The following SNTG2 variants were observed in gnomAD, a reference collection of about 807,000 sequenced individuals.
SNTG2 encodes the protein syntrophin gamma 2.
Under a neutral mutation model 70.9 loss-of-function variants are expected in SNTG2, and 74 were observed. That is an observed-to-expected ratio of 1.04 (90% CI 0.86 to 1.27). The LOEUF is 1.27. Among genes scored for constraint, SNTG2 ranks in the 50% most tolerant of loss-of-function variants. SNTG2 has a pLI of 0.00. For missense variants in SNTG2, 717 were observed against 690.7 expected (o/e 1.04, Z -0.43); for synonymous variants, 278 against 273.8 (o/e 1.02, Z -0.15).
rs373854662 is a variant in SNTG2 at position 1,267,494 on chromosome 2, G to A, written c.1207G>A (p.Val403Met). ...CCATGGGAAGAGCCATGTTTTCAAC[G>A]TGGAGCTTGGCAGCGAGCTGGCCAT... ...AGHGKSHVFN[V>M]ELGSELAMWE... The change falls in exon 14 of 17, where the codon GTG becomes ATG. Residue 403 changes from valine (V) to methionine (M), a missense_variant. By Grantham distance (21) the Val-to-Met change is conservative (BLOSUM62 1). Transcript: ENST00000308624. 18 of 1,613,942 alleles carry A rather than the reference G, an allele frequency of 1.1e-5. No homozygotes were observed. Among genetic ancestry groups the A allele is most frequent in the Non-Finnish European group, 1.5e-5 (18 of 1,179,890 alleles).
chr2:1,109,857 C>T (rs1666324493), intron 4 of SNTG2, among the ~76,000 whole-genome samples: 1 of 152,112 alleles, frequency 6.6e-6, no homozygotes, highest in African/African-American at 2.4e-5. Flanking sequence ...CAGAAAATTG[C>T]ACAGAAAGGA....
chr2:1,250,574 C>CTGTCTT (rs368515646), intron 12 of SNTG2, among the ~76,000 whole-genome samples: 26 of 150,950 alleles, frequency 1.7e-4, no homozygotes, highest in Admixed American at 7.2e-4. Flanking sequence ...CTTTCTCCAT[C>CTGTCTT]TGTCTTTGTC....
intron 16 of SNTG2, among the ~76,000 whole-genome samples, chr2:1,322,273 C>G (rs1681567639): frequency 6.6e-6 from 1 of 152,132 alleles, no homozygotes; most frequent in Admixed American, 6.5e-5. Context: ...GCAGCAGGGG[C>G]AAGTCAGAAT....
chr2:1,245,070 A>G (rs1192878469), intron 11 of SNTG2, among the ~76,000 whole-genome samples: 2 of 143,504 alleles, frequency 1.4e-5, no homozygotes, highest in Non-Finnish European at 3.0e-5. Flanking sequence ...GAATTGAACA[A>G]TGAGAACACA....
chr2:1,029,537 T>C (rs1660693959), intron 1 of SNTG2, among the ~76,000 whole-genome samples: 1 of 152,232 alleles, frequency 6.6e-6, no homozygotes, highest in Non-Finnish European at 1.5e-5. Flanking sequence ...ATTGTAGAAG[T>C]TTCCGCTAAT....
At chr2:1,109,456 A>G (rs1187043503) in intron 4 of SNTG2, among the ~76,000 whole-genome samples, 3 of 152,156 alleles carry the variant, frequency 2.0e-5, no homozygotes, top group Non-Finnish European at 4.4e-5. Flanking sequence ...TGTCATACGA[A>G]AATAACTTCC....
intron 13 of SNTG2, among the ~76,000 whole-genome samples, 184 bp from the exon 14 acceptor site, chr2:1,267,177 TTGTC>T (rs1415015759): frequency 6.6e-6 from 1 of 152,320 alleles, no homozygotes; most frequent in South Asian, 2.1e-4. Flanking sequence ...TTACAGATAT[TTGTC>T]TGTGGACCAC....
intron 1 of SNTG2, among the ~76,000 whole-genome samples, chr2:1,049,700 T>A (rs1230351168): frequency 2.6e-5 from 4 of 152,204 alleles, no homozygotes; most frequent in Non-Finnish European, 5.9e-5. Context: ...CTATGTTTAG[T>A]TTTGTGAGAG....
intron 12 of SNTG2, among the ~76,000 whole-genome samples, chr2:1,252,910 ATGTAT>A (rs1330545072): frequency 6.6e-6 from 1 of 152,228 alleles, no homozygotes. Flanking sequence ...AATATTTATA[ATGTAT>A]TAATATTTTT....
chr2:1,205,530 C>A (rs1673577699), intron 8 of SNTG2, among the ~76,000 whole-genome samples: 1 of 152,116 alleles, frequency 6.6e-6, no homozygotes, highest in Non-Finnish European at 1.5e-5. Flanking sequence ...TTGAAAACTT[C>A]TAAAATAACC....
intron 1 of SNTG2, among the ~76,000 whole-genome samples, chr2:980,943 C>T (rs1661078279): frequency 6.6e-6 from 1 of 152,102 alleles, no homozygotes; most frequent in African/African-American, 2.4e-5. Context: ...ATTACCTAGC[C>T]CTATTATTTT....
chr2:1,225,573 G>A (rs556992464), intron 9 of SNTG2, among the ~76,000 whole-genome samples: 1 of 152,244 alleles, frequency 6.6e-6, no homozygotes, highest in South Asian at 2.1e-4. Flanking sequence ...TGTAAAGTCC[G>A]TAGCTTACGG....
At position 1,210,035 on chromosome 2, in the gene SNTG2, C is replaced by T. The variant is rs149566540; in HGVS notation, c.719+805C>T. 3.9e-5 allele frequency among the ~76,000 whole-genome samples: 6 copies of T among 152,192 alleles called. No homozygotes were observed. The East Asian group carries it at 5.8e-4, about 15-fold the overall frequency. On this transcript the variant is annotated intron_variant, in intron 9 of 16. Transcript: ENST00000308624. The stretch of plus-strand genomic sequence containing the variant: ...GGCTATAGTATGTATGATGGGCAGA[C>T]AGTACAACCTGAAATTCCCTTTACT...
Position 966,862 on chromosome 2 carries a change from G to A in SNTG2, c.72+15794G>A, listed in dbSNP as rs191548488. ...CTCAGGAGGCTGAGGCAGGAGAATT[G>A]CTTGAACCTGGGAGGTGGGGGTTGC... On this transcript the variant is annotated intron_variant, in intron 1 of 16. Coordinates refer to ENST00000308624, the MANE Select transcript of SNTG2 (RefSeq NM_018968.4). Among the ~76,000 whole-genome samples the A allele has an allele frequency of 7.5e-3, 1,136 of 152,172 alleles. 18 individuals carry two copies. The highest frequency in any genetic ancestry group is 0.025 in the African/African-American group (1,045 of 41,520).
intron 1 of SNTG2, among the ~76,000 whole-genome samples, chr2:1,058,249 C>G (rs1433891238): frequency 6.6e-6 from 1 of 152,012 alleles, no homozygotes; most frequent in African/African-American, 2.4e-5. Context: ...TGTATGTCTT[C>G]TCAATGAGGG....
intron 1 of SNTG2, among the ~76,000 whole-genome samples, chr2:989,965 G>T (rs1011989605): frequency 6.6e-6 from 1 of 152,242 alleles, no homozygotes; most frequent in Non-Finnish European, 1.5e-5. Context: ...CCAGGACAGG[G>T]GTGGCATCCA....
chr2:1,289,701 C>T (rs749720494), intron 14 of SNTG2, among the ~76,000 whole-genome samples: 2 of 152,204 alleles, frequency 1.3e-5, no homozygotes, highest in African/African-American at 4.8e-5. Context: ...TCATTGAGGA[C>T]ATTCACAGTG....
intron 8 of SNTG2, among the ~76,000 whole-genome samples, chr2:1,186,444 T>C (rs1160335115): frequency 1.3e-5 from 2 of 152,242 alleles, no homozygotes; most frequent in Non-Finnish European, 2.9e-5. Context: ...TTTTCTGTAT[T>C]AGTCTGTTCT....
intron 14 of SNTG2, among the ~76,000 whole-genome samples, chr2:1,274,239 C>T (rs13036189): frequency 3.3e-5 from 5 of 152,040 alleles, no homozygotes; most frequent in African/African-American, 4.8e-5. Context: ...AAGACAAATT[C>T]GCCACAAGAT....
Sources: allele counts gnomAD v4.1 joint callset (sites outside exome capture counted in the v4.1 genomes callset), GRCh38; gene constraint gnomAD v4.1.1; transcripts MANE v1.5; gene names NCBI Gene and HGNC (gene_info 2026-07-23, HGNC 2026-07-21).